RBM27: variants seen among roughly 807,000 people sequenced by gnomAD.
The protein encoded by RBM27 is RNA-binding protein 27.
A neutral mutation model predicts 135.3 loss-of-function variants in RBM27; 22 were observed. The observed-to-expected ratio is 0.16, with a 90% CI of 0.12 to 0.23. RBM27 has a LOEUF of 0.23. Ranked by LOEUF, RBM27 falls within the 10% of genes least tolerant of loss-of-function variation. The pLI is 1.00. For missense variants in RBM27, 1,009 were observed against 1,281.0 expected (o/e 0.79, Z 3.24); for synonymous variants, 481 against 442.4 (o/e 1.09, Z -1.10).
At chr5:146,262,353 TTA>T (rs1758435554) in intron 13 of RBM27, among the ~76,000 whole-genome samples, 1 of 152,184 alleles carries the variant, frequency 6.6e-6, no homozygotes, top group East Asian at 1.9e-4. Flanking sequence ...TGTAAAAAAG[TTA>T]TATGTTCCTT....
intron 1 of RBM27, among the ~76,000 whole-genome samples, chr5:146,216,706 G>T (rs1756208712): frequency 6.6e-6 from 1 of 152,152 alleles, no homozygotes; most frequent in Admixed American, 6.6e-5. Context: ...ATCCCAGGCT[G>T]GAGGGTAGTG....
At chr5:146,240,585 T>A (rs1222813024) in intron 8 of RBM27, among the ~76,000 whole-genome samples, 2 of 152,172 alleles carry the variant, frequency 1.3e-5, no homozygotes, top group Non-Finnish European at 2.9e-5. Context: ...CCTTGGCCTC[T>A]CAGAGTGCTG....
intron 7 of RBM27, among the ~76,000 whole-genome samples, chr5:146,235,382 C>A (rs1343928246): frequency 6.6e-6 from 1 of 151,856 alleles, no homozygotes; most frequent in African/African-American, 2.4e-5. Context: ...ATGGCAAAAC[C>A]CTGCCTTTAC....
chr5:146,256,615 A>G (rs553474883), intron 10 of RBM27, among the ~76,000 whole-genome samples: 1 of 152,128 alleles, frequency 6.6e-6, no homozygotes, highest in South Asian at 2.1e-4. Flanking sequence ...CGGACTCCCA[A>G]AGTGCTGGTA....
At chr5:146,260,674 C>A in intron 11 of RBM27, 71 bp from the exon 12 acceptor site, 2 of 1,334,158 alleles carry the variant, frequency 1.5e-6, no homozygotes, top group East Asian at 2.5e-5. Flanking sequence ...AACCTAAATT[C>A]TTTGTGGTTA....
intron 1 of RBM27, among the ~76,000 whole-genome samples, chr5:146,214,609 A>G (rs1470451281): frequency 2.0e-5 from 3 of 152,226 alleles, no homozygotes; most frequent in African/African-American, 7.2e-5. Context: ...GGGTGAAAGA[A>G]TAAGAATAAT....
At chr5:146,264,898 G>A (rs1758552082) in intron 14 of RBM27, among the ~76,000 whole-genome samples, 1 of 152,166 alleles carries the variant, frequency 6.6e-6, no homozygotes, top group African/African-American at 2.4e-5. Flanking sequence ...TGGATAGCCA[G>A]TAGGGAAAAG....
Position 146,259,979 on chromosome 5 carries a change from CAAAAAAAAAAAAAA to C in RBM27, c.1740-751_1740-738del, listed in dbSNP as rs34781548. On this transcript the variant is annotated intron_variant, in intron 11 of 20. Transcript: ENST00000265271. ...TGGGCGACAGAGCGAGACTCCGTCT[CAAAAAAAAAAAAAA>C]AAAAAAAAAAAAAAGAATAATGTTG... 1.0e-3 allele frequency among the ~76,000 whole-genome samples: 36 copies of C among 35,292 alleles called. No individual in the cohort carries two copies. The South Asian group carries it at 0.038, about 37-fold the overall frequency. 23.2% of individuals were successfully genotyped at this position (35,292 alleles called of 152,430 possible).
At chr5:146,254,212 T>C (rs1758013011) in intron 9 of RBM27, among the ~76,000 whole-genome samples, 1 of 152,140 alleles carries the variant, frequency 6.6e-6, no homozygotes, top group South Asian at 2.1e-4. Context: ...GCCAACAGTT[T>C]GGGAGACTGA....
intron 13 of RBM27, 87 bp downstream of exon 13, chr5:146,261,893 A>G (rs1240428082): frequency 3.0e-6 from 4 of 1,352,390 alleles, no homozygotes; most frequent in East Asian, 2.4e-5. Context: ...GGTCTTCTAC[A>G]GAAGAGCTAC....
rs34220307 is a variant in RBM27 at position 146,220,489 on chromosome 5, AATAT to A, written c.178+1403_178+1406del. 8.3e-3 allele frequency among the ~76,000 whole-genome samples: 870 copies of A among 104,914 alleles called. 3 individuals carry two copies. The highest frequency in any genetic ancestry group is 0.013 in the Non-Finnish European group (639 of 47,988). 68.8% of individuals were successfully genotyped at this position (104,914 alleles called of 152,430 possible). ...GAGTCCATCTCAAAAAAAAAAAAAA[AATAT>A]ATATATATATATATATGTATGTATA... is the stretch of plus-strand genomic sequence containing the variant. On this transcript the variant is annotated intron_variant, in intron 2 of 20. Transcript: ENST00000265271.
chr5:146,253,454 A>G (rs990584879), intron 9 of RBM27, among the ~76,000 whole-genome samples: 1 of 151,964 alleles, frequency 6.6e-6, no homozygotes, highest in Non-Finnish European at 1.5e-5. Context: ...AGATGCCCCA[A>G]ATGATTAATT....
At chr5:146,272,488 C>T (rs1758911855) in intron 19 of RBM27, among the ~76,000 whole-genome samples, 2 of 152,112 alleles carry the variant, frequency 1.3e-5, no homozygotes, top group Admixed American at 1.3e-4. Flanking sequence ...GAGGCTGAGG[C>T]AGGTGGATGA....
At chr5:146,238,905 A>T (rs1337192851) in intron 8 of RBM27, among the ~76,000 whole-genome samples, 1 of 152,198 alleles carries the variant, frequency 6.6e-6, no homozygotes, top group Non-Finnish European at 1.5e-5. Context: ...TAAAATGAGA[A>T]TAATATTACC....
In RBM27 at chr5:146,238,800, G is replaced by A. The variant is rs73793880; in HGVS notation, c.1279+1368G>A. ...CTTGGAGAGGCAATTCAGCAAACTCGTTAAGCCCAGTTTCAAATCCTGGTT... is the reference window on the plus strand; with the variant it reads ...CTTGGAGAGGCAATTCAGCAAACTCATTAAGCCCAGTTTCAAATCCTGGTT... On this transcript the variant is annotated intron_variant, in intron 8 of 20. Coordinates refer to ENST00000265271, the MANE Select transcript of RBM27 (RefSeq NM_018989.2). 6.9e-4 allele frequency among the ~76,000 whole-genome samples: 105 copies of A among 151,836 alleles called. 1 individual carries two copies. The highest frequency in any genetic ancestry group is 3.4e-3 in the Middle Eastern group (1 of 294).
At chr5:146,273,508 T>C (rs1005937854) in intron 19 of RBM27, among the ~76,000 whole-genome samples, 7 of 152,190 alleles carry the variant, frequency 4.6e-5, no homozygotes, top group Admixed American at 3.9e-4. Context: ...GCTCTTTTTT[T>C]TTCTTTTTTG....
At chr5:146,215,858 C>G (rs1193329945) in intron 1 of RBM27, among the ~76,000 whole-genome samples, 1 of 151,708 alleles carries the variant, frequency 6.6e-6, no homozygotes, top group Admixed American at 6.6e-5. Context: ...TCAAGTGATT[C>G]TCCTGCCTCA....
chr5:146,250,770 CTTTTTTTTT>C (rs58027855), intron 8 of RBM27, among the ~76,000 whole-genome samples: 1 of 72,650 alleles, frequency 1.4e-5, no homozygotes, highest in Non-Finnish European at 2.4e-5. Context: ...TTTTTTTGTC[CTTTTTTTTT>C]TTTTTTTTTT....
chr5:146,261,776 T>C lies in RBM27; in HGVS notation c.2160T>C (p.Ala720=), dbSNP rs1388314529. The change falls in exon 13 of 21, where the codon GCT becomes GCC. Residue 720 remains alanine, a synonymous_variant. Transcript: ENST00000265271. ...HQQQVLVAQS[A]PSTVHGGIQK... ...AGCAGGTGCTAGTGGCCCAGTCTGC[T>C]CCTTCAACAGTGCACGGAGGTATCC... The C allele has an allele frequency of 6.2e-7, 1 of 1,614,188 alleles. No individual in the cohort carries two copies. Among genetic ancestry groups the C allele is most frequent in the Admixed American group, 1.7e-5 (1 of 60,014 alleles).
Sources: gnomAD v4.1 joint callset for allele counts (sites outside exome capture counted in the v4.1 genomes callset) on GRCh38, gnomAD v4.1.1 for gene constraint, MANE v1.5 for transcripts, NCBI Gene and HGNC (gene_info 2026-07-23, HGNC 2026-07-21) for gene names.